G3BP2: variants seen among roughly 807,000 people sequenced by gnomAD.
G3BP2 encodes G3BP stress granule assembly factor 2, also known as ras GTPase-activating protein-binding protein 2.
Under a neutral mutation model 56.7 loss-of-function variants are expected in G3BP2, and 11 were observed. That is an observed-to-expected ratio of 0.19 (90% confidence interval 0.12 to 0.32). The LOEUF (loss-of-function observed/expected upper bound fraction) is 0.32, where lower values mean the gene tolerates loss of function less well. G3BP2 is among the 10% of genes least tolerant of loss of function. The probability of loss-of-function intolerance (pLI) is 1.00; values close to 1 mark genes in which losing one functional copy is unlikely to be tolerated. For synonymous variants in G3BP2, 165 were observed against 191.6 expected, an observed-to-expected ratio of 0.86 and a Z score of 1.15; for missense variants, 340 against 610.9, an observed-to-expected ratio of 0.56 and a Z score of 4.67.
Position 75,719,180 on chromosome 4 carries a change from C to T in G3BP2, c.-25+1697G>A, listed in dbSNP as rs537792222. ...CGGCTAAAACGGTGAAACCCCGTCT[C>T]TACTAAAAATACAAAAAATTAGCCG... On this transcript the variant is annotated intron_variant, in intron 3 of 3. Coordinates refer to the G3BP2 transcript ENST00000499709. 4.0e-4 allele frequency among the ~76,000 whole-genome samples: 61 copies of T among 151,618 alleles called. 2 individuals are homozygous for T. The East Asian group carries it at 0.011, about 28-fold the overall frequency.
At position 75,715,545 on chromosome 4, in the gene G3BP2, G is replaced by A. The variant is rs1258152205; in HGVS notation, c.-25+5332C>T. Among the ~76,000 whole-genome samples the A allele has an allele frequency of 3.3e-5, 5 of 152,134 alleles. No individual in the cohort carries two copies. The East Asian group carries it at 9.6e-4, about 29-fold the overall frequency. ...GCTTACTCAGCTGGGGCAGGCAAGT[G>A]TTAGACCACAAGAAGGACCATCCTT... On this transcript the variant is annotated intron_variant, in intron 3 of 3. Coordinates refer to the G3BP2 transcript ENST00000499709.
intron 1 of G3BP2, among the ~76,000 whole-genome samples, chr4:75,723,558 G>A (rs1362135479): frequency 6.6e-6 from 1 of 152,164 alleles, no homozygotes; most frequent in Non-Finnish European, 1.5e-5. Context: ...GACATGTGTG[G>A]GTGGAAAGCC....
intron 8 of G3BP2, among the ~76,000 whole-genome samples, chr4:75,650,976 G>C (rs1203548863): frequency 1.3e-5 from 2 of 152,156 alleles, no homozygotes; most frequent in Non-Finnish European, 2.9e-5. Context: ...TTAGTTCTCT[G>C]ACCCAAAACA....
At chr4:75,677,331 G>A (rs1276804972), upstream of G3BP2, among the ~76,000 whole-genome samples, 1 of 151,816 alleles carries the variant, frequency 6.6e-6, no homozygotes, top group Non-Finnish European at 1.5e-5. Context: ...CCAACACTTT[G>A]GGAGGCCCAG....
intron 3 of G3BP2, among the ~76,000 whole-genome samples, chr4:75,709,863 C>T (rs1332092868): frequency 1.3e-5 from 2 of 152,070 alleles, no homozygotes; most frequent in African/African-American, 4.8e-5. Context: ...ACAGTATCAT[C>T]TATTCCAAGG....
chr4:75,660,994 G>T (rs927624112), intron 2 of G3BP2, among the ~76,000 whole-genome samples: 1 of 152,168 alleles, frequency 6.6e-6, no homozygotes, highest in Non-Finnish European at 1.5e-5. Context: ...CTATTTTACA[G>T]ATTAGAAGAA....
chr4:75,712,051 C>T lies in G3BP2; in HGVS notation c.-25+8826G>A, dbSNP rs951199364. Reference sequence around the variant, plus strand: ...CTACTGTTAGCAGATTTTGAATGTCCTCAACACAAAGAAATGATAACTGTT... The same window carrying T: ...CTACTGTTAGCAGATTTTGAATGTCTTCAACACAAAGAAATGATAACTGTT... On this transcript the variant is annotated intron_variant, in intron 3 of 3. Transcript: ENST00000499709. Among the ~76,000 whole-genome samples the T allele has an allele frequency of 3.3e-5, 5 of 152,248 alleles. No homozygotes were observed. In the South Asian group the frequency reaches 1.0e-3, roughly 32 times the overall value.
intron 3 of G3BP2, among the ~76,000 whole-genome samples, chr4:75,714,364 C>T (rs530329118): frequency 2.0e-4 from 31 of 152,208 alleles, no homozygotes; most frequent in Non-Finnish European, 3.1e-4. Context: ...CAGTGGCCCA[C>T]GCCTGTAACC....
At chr4:75,716,092 CCT>C (rs2149115459) in intron 3 of G3BP2, among the ~76,000 whole-genome samples, 1 of 152,236 alleles carries the variant, frequency 6.6e-6, no homozygotes, top group South Asian at 2.1e-4. Context: ...ACTTTGTGCC[CCT>C]GTCCTGAAAA....
At chr4:75,714,546 T>C (rs1719866011) in intron 3 of G3BP2, among the ~76,000 whole-genome samples, 1 of 152,092 alleles carries the variant, frequency 6.6e-6, no homozygotes, top group South Asian at 2.1e-4. Flanking sequence ...GAGAATCACT[T>C]GAACCCGGGA....
chr4:75,648,581 C>T, intron 9 of G3BP2, 58 bp downstream of exon 9: 2 of 878,294 alleles, frequency 2.3e-6, no homozygotes, highest in Admixed American at 2.0e-5. Flanking sequence ...TGTTTAAGTT[C>T]AGTCTTTTAC....
chr4:75,701,276 T>C (rs1719333765), intron 3 of G3BP2, among the ~76,000 whole-genome samples: 2 of 152,184 alleles, frequency 1.3e-5, no homozygotes, highest in African/African-American at 2.4e-5. Flanking sequence ...GTTACTGCAT[T>C]TATATTTGTT....
chr4:75,657,426 C>A (rs1732203682), intron 4 of G3BP2, 131 bp downstream of exon 4: 2 of 664,314 alleles, frequency 3.0e-6, no homozygotes, highest in Non-Finnish European at 2.6e-6. Flanking sequence ...CGCACTCACT[C>A]AAACAACAGG....
chr4:75,673,751 G>T, upstream of G3BP2: 1 of 508,104 alleles, frequency 2.0e-6, no homozygotes, highest in Non-Finnish European at 3.0e-6. Flanking sequence ...GTCTTTTGTA[G>T]ACTGATATTC....
intron 1 of G3BP2, among the ~76,000 whole-genome samples, chr4:75,666,946 G>A (rs558941771): frequency 6.6e-6 from 1 of 152,090 alleles, no homozygotes; most frequent in Admixed American, 6.5e-5. Context: ...TTTACAAATT[G>A]AGAAGAAATC....
At chr4:75,710,500 G>A (rs1719714689) in intron 3 of G3BP2, among the ~76,000 whole-genome samples, 1 of 152,150 alleles carries the variant, frequency 6.6e-6, no homozygotes, top group Non-Finnish European at 1.5e-5. Flanking sequence ...AACAATAGGG[G>A]TTTGAACTTT....
At chr4:75,653,465 A>T (rs1431781770) in intron 8 of G3BP2, among the ~76,000 whole-genome samples, 1 of 152,010 alleles carries the variant, frequency 6.6e-6, no homozygotes, top group East Asian at 1.9e-4. Context: ...TAGAATGATC[A>T]GTTAAGGTGA....
At chr4:75,686,477 G>A (rs1297716302) in intron 3 of G3BP2, among the ~76,000 whole-genome samples, 1 of 150,592 alleles carries the variant, frequency 6.6e-6, no homozygotes, top group Admixed American at 6.7e-5. Context: ...AAGGTGGTGG[G>A]TGGTGTAAGA....
At chr4:75,717,512 C>G (rs1719975323) in intron 3 of G3BP2, among the ~76,000 whole-genome samples, 1 of 152,120 alleles carries the variant, frequency 6.6e-6, no homozygotes, top group Non-Finnish European at 1.5e-5. Context: ...CAAATACTTG[C>G]TTGGGGCATA....
Sources: allele counts gnomAD v4.1 joint callset (sites outside exome capture counted in the v4.1 genomes callset), GRCh38; gene constraint gnomAD v4.1.1; transcripts MANE v1.5; gene names NCBI Gene and HGNC (gene_info 2026-07-23, HGNC 2026-07-21).